Variants in PPP2R3A observed in about 807,000 individuals in gnomAD.
The protein encoded by PPP2R3A is protein phosphatase 2 regulatory subunit B''alpha, also known as serine/threonine-protein phosphatase 2A regulatory subunit B'' subunit alpha.
A neutral mutation model predicts 106.9 loss-of-function variants in PPP2R3A; 80 were observed. That is an observed-to-expected ratio of 0.75 (90% CI 0.62 to 0.90). The LOEUF (loss-of-function observed/expected upper bound fraction) is 0.90, where lower values mean the gene tolerates loss of function less well. Ranked by LOEUF, PPP2R3A falls within the 40% of genes least tolerant of loss-of-function variation. The pLI is 0.00. For synonymous variants in PPP2R3A, 483 were observed against 468.3 expected, an observed-to-expected ratio of 1.03 and a Z score of -0.41; for missense variants, 1,386 against 1,350.4, an observed-to-expected ratio of 1.03 and a Z score of -0.41.
intron 5 of PPP2R3A, among the ~76,000 whole-genome samples, chr3:136,053,125 A>G (rs1389818756): frequency 6.6e-6 from 1 of 152,168 alleles, no homozygotes; most frequent in Admixed American, 6.5e-5. Flanking sequence ...ACTGCGGTCT[A>G]CTTGAGGGTG....
Position 136,145,308 on chromosome 3 carries a change from G to A in PPP2R3A, c.*142G>A, listed in dbSNP as rs1379816549. ...TCTGCACTAGGAACTTTGTTTTTAA[G>A]CAATAGGTCTGGATACACATTTAAC... On this transcript the variant is annotated 3_prime_UTR_variant, in exon 14 of 14. Coordinates refer to ENST00000264977, the MANE Select transcript of PPP2R3A (RefSeq NM_002718.5). The A allele has an allele frequency of 4.5e-6, 5 of 1,100,844 alleles. No individual in the cohort carries two copies. The Admixed American group carries it at 1.6e-4, about 35-fold the overall frequency. The allele number at this position is 1,100,844 out of a possible 1,614,324, so 68.2% of individuals were successfully genotyped here.
intron 2 of PPP2R3A, among the ~76,000 whole-genome samples, chr3:136,013,817 T>G (rs1280181864): frequency 2.0e-5 from 3 of 152,302 alleles, no homozygotes; most frequent in African/African-American, 7.2e-5. Flanking sequence ...GTTATTTCTT[T>G]TGCTGTGCAG....
chr3:136,061,336 G>C (rs893279335), intron 5 of PPP2R3A, among the ~76,000 whole-genome samples: 39 of 152,146 alleles, frequency 2.6e-4, no homozygotes, highest in Non-Finnish European at 2.5e-4. Flanking sequence ...TGGTTAAAAA[G>C]AGCCACTGAG....
In PPP2R3A at chr3:136,050,043, T is replaced by G. The variant is rs112877305; in HGVS notation, c.2469+682T>G. On this transcript the variant is annotated intron_variant, in intron 5 of 13. Coordinates refer to ENST00000264977, the MANE Select transcript of PPP2R3A (RefSeq NM_002718.5). ...CCCAGAAGCTCTAAATGTACTCTAGTGTGGGAGTAATTTAGGATAATGGCA... is the reference window on the plus strand; with the variant it reads ...CCCAGAAGCTCTAAATGTACTCTAGGGTGGGAGTAATTTAGGATAATGGCA... Among the ~76,000 whole-genome samples the G allele has an allele frequency of 8.5e-5, 13 of 152,278 alleles. 1 individual carries two copies. Among genetic ancestry groups the G allele is most frequent in the African/African-American group, 2.9e-4 (12 of 41,556 alleles).
chr3:136,074,981 C>G (rs1936551040), intron 6 of PPP2R3A, among the ~76,000 whole-genome samples: 1 of 152,240 alleles, frequency 6.6e-6, no homozygotes, highest in African/African-American at 2.4e-5. Flanking sequence ...GTTCACCACT[C>G]CTGCCAAGTG....
chr3:136,065,193 T>C (rs1936223821), intron 5 of PPP2R3A, among the ~76,000 whole-genome samples: 1 of 152,168 alleles, frequency 6.6e-6, no homozygotes, highest in Admixed American at 6.5e-5. Context: ...AGTAGGACAG[T>C]ACAAATGAGC....
intron 5 of PPP2R3A, among the ~76,000 whole-genome samples, chr3:136,064,732 G>C (rs1468985533): frequency 6.6e-6 from 1 of 152,186 alleles, no homozygotes; most frequent in African/African-American, 2.4e-5. Flanking sequence ...AGCTGATGCA[G>C]TTAGAAAAGA....
chr3:136,090,506 C>G, intron 9 of PPP2R3A, 72 bp from the exon 10 acceptor site: 2 of 1,279,282 alleles, frequency 1.6e-6, no homozygotes, highest in East Asian at 4.8e-5. Context: ...TACTTTATTT[C>G]TTAGCCTATC....
Position 136,082,285 on chromosome 3 carries a change from A to C in PPP2R3A, c.2652A>C (p.Glu884Asp), listed in dbSNP as rs1345104660. Residue 884 changes from glutamate to aspartate, a missense_variant, in exon 8 of 14, where the codon GAA (glutamate) becomes GAC (aspartate). Physicochemically the swap from Glu to Asp is conservative, Grantham distance 45 (BLOSUM62 2). Transcript: ENST00000264977. The stretch of plus-strand genomic sequence containing the variant: ...TTCAGACCCTAGCACTTTTGGAAGA[A>C]GAGGAAGATATAAACCAAATTACAG... ...NFLQTLALLEEEEDINQITDY... is the reference protein window; with the variant it reads ...NFLQTLALLEDEEDINQITDY... 1 of 1,589,370 alleles carries C rather than the reference A, an allele frequency of 6.3e-7. No individual in the cohort carries two copies. The highest frequency in any genetic ancestry group is 1.1e-5 in the South Asian group (1 of 90,454).
chr3:136,122,168 T>C (rs1389871958), intron 13 of PPP2R3A, among the ~76,000 whole-genome samples: 2 of 152,054 alleles, frequency 1.3e-5, no homozygotes, highest in East Asian at 3.9e-4. Context: ...TGAAAAAGGA[T>C]GACATAGCTG....
Position 136,070,348 on chromosome 3 carries a change from A to T in PPP2R3A, c.2470-130A>T, listed in dbSNP as rs1326641387. On this transcript the variant is annotated intron_variant, in intron 5 of 13. Coordinates refer to ENST00000264977, the MANE Select transcript of PPP2R3A (RefSeq NM_002718.5). ...TGAAACGAATTTAATAAAGAATTAA[A>T]TTTTAAGTGCATTATTCATTATTGT... 3 of 620,670 alleles carry T rather than the reference A, an allele frequency of 4.8e-6. No homozygotes were observed. In the East Asian group the frequency reaches 9.3e-5, roughly 19 times the overall value. The allele number at this position is 620,670 out of a possible 1,614,324, so 38.4% of individuals were successfully genotyped here.
chr3:136,094,183 A>C (rs1010847770), intron 10 of PPP2R3A, among the ~76,000 whole-genome samples: 5 of 152,210 alleles, frequency 3.3e-5, no homozygotes, highest in Non-Finnish European at 5.9e-5. Flanking sequence ...AGAAACAGGA[A>C]ATAGGTTAAT....
chr3:136,105,790 T>C (rs936378805), intron 12 of PPP2R3A, among the ~76,000 whole-genome samples: 1 of 152,092 alleles, frequency 6.6e-6, no homozygotes, highest in Non-Finnish European at 1.5e-5. Flanking sequence ...GGCGAAACCC[T>C]GTCTCTACAA....
At chr3:136,037,850 A>G (rs1349729037) in intron 3 of PPP2R3A, among the ~76,000 whole-genome samples, 1 of 152,108 alleles carries the variant, frequency 6.6e-6, no homozygotes, top group African/African-American at 2.4e-5. Flanking sequence ...TGATTACCAT[A>G]TATTGACTCG....
intron 6 of PPP2R3A, among the ~76,000 whole-genome samples, chr3:136,074,279 TGTTTA>T (rs1936528757): frequency 6.6e-6 from 1 of 152,220 alleles, no homozygotes; most frequent in African/African-American, 2.4e-5. Context: ...AAAGGCTGTT[TGTTTA>T]GTTAATTATT....
intron 7 of PPP2R3A, among the ~76,000 whole-genome samples, chr3:136,079,644 T>G (rs912128177): frequency 6.6e-6 from 1 of 152,032 alleles, no homozygotes. Context: ...CCTGACCTCA[T>G]GATCCACCTG....
At chr3:136,042,401 C>G (rs998361533) in intron 4 of PPP2R3A, among the ~76,000 whole-genome samples, 12 of 152,176 alleles carry the variant, frequency 7.9e-5, no homozygotes, top group African/African-American at 2.9e-4. Context: ...GGCTTAATAC[C>G]TAGGTGATGG....
rs1432228070 is a variant in PPP2R3A at position 136,000,953 on chromosome 3, C to T, written c.-440-106C>T. On this transcript the variant is annotated intron_variant, in intron 1 of 13. Coordinates refer to ENST00000264977, the MANE Select transcript of PPP2R3A (RefSeq NM_002718.5). The stretch of plus-strand genomic sequence containing the variant: ...TGAATATCAGCTGTAAGGGATATTG[C>T]AGATAATAAAGCGTGGTGGTTAACT... 27 of 385,338 alleles carry T rather than the reference C, an allele frequency of 7.0e-5. No individual in the cohort carries two copies. In the East Asian group the frequency reaches 9.9e-4, roughly 14 times the overall value. The allele number at this position is 385,338 out of a possible 1,614,324, so 23.9% of individuals were successfully genotyped here.
In PPP2R3A at chr3:136,145,029, C is replaced by G; in HGVS notation, c.3330-14C>G. 6.2e-7 allele frequency: 1 copy of G among 1,603,032 alleles called. No individual in the cohort carries two copies. Among genetic ancestry groups the G allele is most frequent in the Non-Finnish European group, 8.5e-7 (1 of 1,175,762 alleles). ...CAATCAATCAGTTAATTCACTTTTG[C>G]TTTGTTATTTCAGCTTTGAAGATTA... is the stretch of plus-strand genomic sequence containing the variant. On this transcript the variant is annotated splice_polypyrimidine_tract_variant and intron_variant, in intron 13 of 13. Transcript: ENST00000264977.
Sources: gnomAD v4.1 joint callset for allele counts (sites outside exome capture counted in the v4.1 genomes callset) on GRCh38, gnomAD v4.1.1 for gene constraint, MANE v1.5 for transcripts, NCBI Gene and HGNC (gene_info 2026-07-23, HGNC 2026-07-21) for gene names.